RALGAPA2: variants seen among roughly 807,000 people sequenced by gnomAD.
RALGAPA2 encodes the protein ral GTPase-activating protein subunit alpha-2.
Under a neutral mutation model 230.4 loss-of-function variants are expected in RALGAPA2, and 139 were observed. The ratio of observed to expected loss-of-function variants is 0.60; its 90% CI spans 0.53 to 0.69. The LOEUF is 0.69. Ranked by LOEUF, RALGAPA2 falls within the 30% of genes least tolerant of loss-of-function variation. The pLI is 0.00. For missense variants in RALGAPA2, 2,163 were observed against 2,276.0 expected (o/e 0.95, Z 1.01); for synonymous variants, 847 against 837.8 (o/e 1.01, Z -0.19).
chr20:20,393,054 A>G lies in RALGAPA2; in HGVS notation c.*235T>C, dbSNP rs2059629560. 6.9e-6 allele frequency: 9 copies of G among 1,304,350 alleles called. No individual in the cohort carries two copies. Among genetic ancestry groups the G allele is most frequent in the Non-Finnish European group, 8.2e-6 (8 of 979,450 alleles). 80.8% of individuals were successfully genotyped at this position (1,304,350 alleles called of 1,614,324 possible). Reference sequence around the variant, plus strand: ...GATGATACAGCCTAGTTTGAGTCCCATCTGAGACACGGTAGTGGGATTCAC... The same window carrying G: ...GATGATACAGCCTAGTTTGAGTCCCGTCTGAGACACGGTAGTGGGATTCAC... On this transcript the variant is annotated 3_prime_UTR_variant, in exon 40 of 40. Coordinates refer to ENST00000202677, the MANE Select transcript of RALGAPA2 (RefSeq NM_020343.4).
intron 37 of RALGAPA2, among the ~76,000 whole-genome samples, chr20:20,424,240 C>T (rs956300848): frequency 4.6e-5 from 7 of 152,214 alleles, no homozygotes; most frequent in African/African-American, 1.7e-4. Context: ...TCCCAGTGCA[C>T]CTCACCTTCT....
intron 27 of RALGAPA2, among the ~76,000 whole-genome samples, chr20:20,530,753 G>A (rs2063347936): frequency 6.6e-6 from 1 of 152,124 alleles, no homozygotes; most frequent in African/African-American, 2.4e-5. Flanking sequence ...GGCTCAGTGA[G>A]GTGGTCATTC....
At chr20:20,429,536 T>C (rs2060459060) in intron 37 of RALGAPA2, among the ~76,000 whole-genome samples, 1 of 152,246 alleles carries the variant, frequency 6.6e-6, no homozygotes, top group African/African-American at 2.4e-5. Context: ...ATTTGATTCT[T>C]TCCTTCATGC....
At chr20:20,665,796 T>G (rs974544505) in intron 3 of RALGAPA2, among the ~76,000 whole-genome samples, 11 of 152,142 alleles carry the variant, frequency 7.2e-5, no homozygotes, top group East Asian at 1.9e-4. Context: ...GCTATAGAGA[T>G]AAAGGATCTC....
At chr20:20,521,154 G>A (rs2063027965) in intron 30 of RALGAPA2, 54 bp from the exon 31 acceptor site, 1 of 1,462,148 alleles carries the variant, frequency 6.8e-7, no homozygotes, top group South Asian at 1.4e-5. Context: ...CGTGTCCCCT[G>A]ACAATCTGTC....
At chr20:20,470,130 C>A (rs573678252) in intron 37 of RALGAPA2, among the ~76,000 whole-genome samples, 1 of 152,270 alleles carries the variant, frequency 6.6e-6, no homozygotes, top group South Asian at 2.1e-4. Context: ...GTTAACTCAG[C>A]CAAGGGCTCC....
intron 1 of RALGAPA2, among the ~76,000 whole-genome samples, chr20:20,706,179 C>A (rs937032507): frequency 1.3e-5 from 2 of 152,208 alleles, no homozygotes; most frequent in Non-Finnish European, 2.9e-5. Flanking sequence ...GGAAGCCAAC[C>A]TTTTTCAGTT....
intron 38 of RALGAPA2, among the ~76,000 whole-genome samples, chr20:20,404,546 G>C (rs947427716): frequency 2.6e-5 from 4 of 152,220 alleles, no homozygotes; most frequent in Non-Finnish European, 5.9e-5. Flanking sequence ...AGGAGGACTT[G>C]AGGGCCAGTC....
intron 3 of RALGAPA2, among the ~76,000 whole-genome samples, chr20:20,672,768 T>G (rs1295081434): frequency 6.6e-6 from 1 of 152,166 alleles, no homozygotes; most frequent in Non-Finnish European, 1.5e-5. Context: ...TAGCTAAGAA[T>G]GTTAGAGAAC....
intron 37 of RALGAPA2, among the ~76,000 whole-genome samples, chr20:20,459,921 T>C (rs919355150): frequency 1.2e-4 from 18 of 152,214 alleles, no homozygotes; most frequent in African/African-American, 4.1e-4. Flanking sequence ...AAATACTCAC[T>C]GGGCACTGAC....
At chr20:20,431,628 A>C (rs2060503790) in intron 37 of RALGAPA2, among the ~76,000 whole-genome samples, 1 of 152,202 alleles carries the variant, frequency 6.6e-6, no homozygotes, top group African/African-American at 2.4e-5. Context: ...ATGCAAAAAA[A>C]TTAAGCATGG....
intron 37 of RALGAPA2, among the ~76,000 whole-genome samples, chr20:20,468,963 TTGTGTGTG>T (rs754994354): frequency 1.7e-3 from 240 of 143,380 alleles, no homozygotes; most frequent in African/African-American, 5.9e-3. Context: ...GTGTGTGTGT[TTGTGTGTG>T]TGTGTGTGTG....
intron 1 of RALGAPA2, among the ~76,000 whole-genome samples, chr20:20,700,281 G>C (rs1217163677): frequency 6.6e-6 from 1 of 152,040 alleles, no homozygotes. Context: ...ATGGCAATAA[G>C]AGACACCGTA....
At chr20:20,500,348 C>T (rs1051934919) in intron 35 of RALGAPA2, among the ~76,000 whole-genome samples, 1 of 152,236 alleles carries the variant, frequency 6.6e-6, no homozygotes, top group Non-Finnish European at 1.5e-5. Flanking sequence ...CAAACCCTGT[C>T]ACTGCTTTAC....
intron 37 of RALGAPA2, among the ~76,000 whole-genome samples, chr20:20,439,315 C>T (rs1054749627): frequency 1.3e-5 from 2 of 151,864 alleles, no homozygotes; most frequent in South Asian, 2.1e-4. Context: ...TAGGCTCAAG[C>T]GATCCTCCCA....
intron 4 of RALGAPA2, among the ~76,000 whole-genome samples, chr20:20,643,770 G>C (rs1218586385): frequency 1.3e-5 from 2 of 151,948 alleles, no homozygotes; most frequent in Non-Finnish European, 2.9e-5. Context: ...CAGTCAAAAT[G>C]ACTGATATTA....
At chr20:20,615,142 C>T (rs1200926136) in intron 13 of RALGAPA2, among the ~76,000 whole-genome samples, 1 of 150,862 alleles carries the variant, frequency 6.6e-6, no homozygotes, top group East Asian at 1.9e-4. Context: ...AATACCTCAT[C>T]AGATGGAGTA....
chr20:20,575,911 G>A (rs1223339310), intron 20 of RALGAPA2, among the ~76,000 whole-genome samples: 1 of 151,922 alleles, frequency 6.6e-6, no homozygotes, highest in African/African-American at 2.4e-5. Context: ...GCTTAAGTAC[G>A]GTTTGGAGAA....
intron 37 of RALGAPA2, among the ~76,000 whole-genome samples, chr20:20,452,955 T>C (rs6046866): frequency 0.081 from 12,275 of 152,236 alleles, 846 homozygotes; most frequent in African/African-American, 0.18. Context: ...CAGCTGCTGC[T>C]GGTTCAGGTC....
Sources: gnomAD v4.1 joint callset for allele counts (sites outside exome capture counted in the v4.1 genomes callset) on GRCh38, gnomAD v4.1.1 for gene constraint, MANE v1.5 for transcripts, NCBI Gene and HGNC (gene_info 2026-07-23, HGNC 2026-07-21) for gene names.